The following NRG1 variants were observed in gnomAD, a reference collection of about 807,000 sequenced individuals.
The protein encoded by NRG1 is pro-neuregulin-1, membrane-bound isoform.
In NRG1, 18 loss-of-function variants were observed where a neutral mutation model predicts 63.8. The ratio of observed to expected loss-of-function variants is 0.28; its 90% CI spans 0.19 to 0.42. The LOEUF (loss-of-function observed/expected upper bound fraction) is 0.42, where lower values mean the gene tolerates loss of function less well. Ranked by LOEUF, NRG1 falls within the 10% of genes least tolerant of loss-of-function variation. NRG1 has a pLI of 1.00. For missense variants in NRG1, 762 were observed against 814.7 expected (o/e 0.94, Z 0.79); for synonymous variants, 302 against 301.3 (o/e 1.00, Z -0.02).
chr8:31,655,843 C>A (rs1805383349), intron 1 of NRG1, among the ~76,000 whole-genome samples: 2 of 152,190 alleles, frequency 1.3e-5, no homozygotes, highest in South Asian at 4.1e-4. Context: ...TTCTTTTAGC[C>A]TTGGCTGTGA....
intron 1 of NRG1, among the ~76,000 whole-genome samples, chr8:31,834,264 T>C (rs1825451566): frequency 7.0e-6 from 1 of 142,522 alleles, no homozygotes; most frequent in Admixed American, 7.2e-5. Context: ...ATGTAAAGAA[T>C]TGGAAAAAGT....
chr8:31,679,268 C>A (rs1418240842), intron 1 of NRG1, among the ~76,000 whole-genome samples: 1 of 152,078 alleles, frequency 6.6e-6, no homozygotes, highest in Non-Finnish European at 1.5e-5. Context: ...CCCAACACTA[C>A]CTATTCCCCT....
intron 1 of NRG1, among the ~76,000 whole-genome samples, chr8:31,884,535 A>T (rs1255854018): frequency 6.6e-6 from 1 of 152,052 alleles, no homozygotes; most frequent in East Asian, 1.9e-4. Flanking sequence ...TCCCACCTCC[A>T]AGTCAATGTG....
At chr8:31,757,407 C>T (rs1398463467) in intron 1 of NRG1, among the ~76,000 whole-genome samples, 4 of 151,862 alleles carry the variant, frequency 2.6e-5, no homozygotes, top group Admixed American at 2.0e-4. Flanking sequence ...GTCACATTGG[C>T]TAAAAAAACA....
At chr8:32,262,923 C>T (rs1403947815) in intron 1 of NRG1, among the ~76,000 whole-genome samples, 7 of 152,138 alleles carry the variant, frequency 4.6e-5, no homozygotes, top group Non-Finnish European at 1.0e-4. Flanking sequence ...CATACCATCC[C>T]TTTATCTAAC....
intron 5 of NRG1, among the ~76,000 whole-genome samples, chr8:32,657,071 G>A (rs1801666805): frequency 6.6e-6 from 1 of 151,838 alleles, no homozygotes; most frequent in Non-Finnish European, 1.5e-5. Context: ...ATTTATTTTA[G>A]TTTAAAAGTT....
chr8:32,144,553 C>T (rs566403067), intron 1 of NRG1, among the ~76,000 whole-genome samples: 85 of 152,164 alleles, frequency 5.6e-4, no homozygotes, highest in Non-Finnish European at 9.8e-4. Context: ...GCATAATTCA[C>T]CAGGTAATTC....
At chr8:32,612,741 G>C (rs1363608840) in intron 3 of NRG1, among the ~76,000 whole-genome samples, 4 of 151,974 alleles carry the variant, frequency 2.6e-5, no homozygotes, top group African/African-American at 9.7e-5. Context: ...AATTTGAAAA[G>C]AGTCTTGATA....
intron 2 of NRG1, among the ~76,000 whole-genome samples, chr8:32,596,759 A>G (rs1039689055): frequency 2.6e-5 from 4 of 152,192 alleles, no homozygotes; most frequent in African/African-American, 9.6e-5. Context: ...AATTCAGACT[A>G]TTTTTTAACA....
At chr8:32,495,519 G>A (rs1827098088) in intron 1 of NRG1, among the ~76,000 whole-genome samples, 1 of 152,198 alleles carries the variant, frequency 6.6e-6, no homozygotes, top group Admixed American at 6.5e-5. Flanking sequence ...CTGAAGTGCA[G>A]TGGTGTGATC....
intron 1 of NRG1, among the ~76,000 whole-genome samples, chr8:32,471,360 G>A (rs1325778009): frequency 1.3e-5 from 2 of 152,156 alleles, no homozygotes; most frequent in South Asian, 2.1e-4. Context: ...TTGGACCCAA[G>A]TGAGTCTGTT....
At chr8:32,749,820 A>G (rs1026934851) in intron 7 of NRG1, 7 of 562,794 alleles carry the variant, frequency 1.2e-5, no homozygotes, top group Non-Finnish European at 2.2e-5. Flanking sequence ...GTTTAAAAGT[A>G]CCCTACCTGC....
intron 1 of NRG1, among the ~76,000 whole-genome samples, chr8:31,713,424 T>C (rs1041103202): frequency 2.0e-5 from 3 of 152,112 alleles, no homozygotes; most frequent in African/African-American, 7.2e-5. Flanking sequence ...CCACTCCTTC[T>C]AATTTTTAAC....
chr8:31,848,347 G>A (rs2129608684), intron 1 of NRG1, among the ~76,000 whole-genome samples: 1 of 152,288 alleles, frequency 6.6e-6, no homozygotes, highest in East Asian at 1.9e-4. Context: ...TCCTGAAGGG[G>A]AAAGCCATGT....
chr8:32,568,644 G>T (rs73234158), intron 1 of NRG1, among the ~76,000 whole-genome samples: 31,282 of 152,086 alleles, frequency 0.21, 3,916 homozygotes, highest in Admixed American at 0.33. Flanking sequence ...GTCCGGGATA[G>T]GGCCCGGCAT....
At chr8:31,646,527 C>T (rs1804302147) in intron 1 of NRG1, among the ~76,000 whole-genome samples, 1 of 152,178 alleles carries the variant, frequency 6.6e-6, no homozygotes, top group African/African-American at 2.4e-5. Flanking sequence ...GTAATACTAT[C>T]ATCCCAAATG....
chr8:32,615,114 G>A (rs1385173342), intron 4 of NRG1, among the ~76,000 whole-genome samples: 3 of 152,054 alleles, frequency 2.0e-5, no homozygotes, highest in Non-Finnish European at 4.4e-5. Flanking sequence ...TTTGCTGATA[G>A]CACTTATAGT....
rs538266219 is a variant in NRG1, at chr8:32,376,434, C to A, written c.38-219394C>A. On this transcript the variant is annotated intron_variant, in intron 1 of 10. Transcript: ENST00000519301. ...CCATCTTCTACCCTTCTGCATAGGACCCCCATTCCCTTGACATGGTGATTT... is the reference window on the plus strand; with the variant it reads ...CCATCTTCTACCCTTCTGCATAGGAACCCCATTCCCTTGACATGGTGATTT... Among the ~76,000 whole-genome samples the A allele has an allele frequency of 5.9e-5, 9 of 152,248 alleles. No homozygotes were observed. In the East Asian group the frequency reaches 1.7e-3, roughly 29 times the overall value.
intron 1 of NRG1, among the ~76,000 whole-genome samples, chr8:31,902,419 C>G (rs1424692216): frequency 6.6e-6 from 1 of 152,136 alleles, no homozygotes; most frequent in African/African-American, 2.4e-5. Flanking sequence ...TTGTACACAT[C>G]AACTCTGATT....
Sources: allele counts gnomAD v4.1 joint callset (sites outside exome capture counted in the v4.1 genomes callset), GRCh38; gene constraint gnomAD v4.1.1; transcripts MANE v1.5; gene names NCBI Gene and HGNC (gene_info 2026-07-23, HGNC 2026-07-21).